The following EPHA10 variants were observed in gnomAD, a reference collection of about 807,000 sequenced individuals.
EPHA10 encodes the protein ephrin type-A receptor 10.
A neutral mutation model predicts 109.7 loss-of-function variants in EPHA10; 120 were observed. The ratio of observed to expected loss-of-function variants is 1.09; its 90% CI spans 0.94 to 1.27. The LOEUF (loss-of-function observed/expected upper bound fraction) is 1.27. Among genes scored for constraint, EPHA10 ranks in the 50% most tolerant of loss-of-function variants. EPHA10 has a pLI of 0.00. For synonymous variants in EPHA10, 640 were observed against 618.9 expected, an observed-to-expected ratio of 1.03 and a Z score of -0.51; for missense variants, 1,396 against 1,411.1, an observed-to-expected ratio of 0.99 and a Z score of 0.17.
Position 37,733,512 on chromosome 1 carries a change from C to G in EPHA10, c.1491+1745G>C, listed in dbSNP as rs538530463. ...GGAATCACAGGTGGTAGCCACTGAG[C>G]CTGGCCCTTGCTCCTCTTTTTGAGG... On this transcript the variant is annotated intron_variant, in intron 6 of 16. Transcript: ENST00000373048. 1.8e-4 allele frequency among the ~76,000 whole-genome samples: 28 copies of G among 152,314 alleles called. No homozygotes were observed. The South Asian group carries it at 5.8e-3, about 32-fold the overall frequency.
intron 3 of EPHA10, among the ~76,000 whole-genome samples, chr1:37,759,538 C>G (rs1646414967): frequency 6.6e-6 from 1 of 152,108 alleles, no homozygotes; most frequent in South Asian, 2.1e-4. Flanking sequence ...CACTTTTTCA[C>G]CCAATGCATT....
At chr1:37,723,280 GCCCCT>G (rs1645832129) in intron 9 of EPHA10, 26 bp downstream of exon 9, 4 of 1,611,528 alleles carry the variant, frequency 2.5e-6, no homozygotes, top group Non-Finnish European at 3.4e-6. Context: ...GGTGGAGCCC[GCCCCT>G]CCCCAGCCAG....
rs373346222 is a variant in EPHA10, at chr1:37,761,850, G to C, written c.405C>G (p.Ala135=). 3.1e-6 allele frequency: 5 copies of C among 1,612,976 alleles called. No individual in the cohort carries two copies. Among genetic ancestry groups the C allele is most frequent in the Non-Finnish European group, 4.2e-6 (5 of 1,179,276 alleles). Reference sequence around the variant, plus strand: ...GGCGGGGACGCCCACGGCCCAGGTCGGCCTCAGTTTCCAGGTAGTAGACGT... The same window carrying C: ...GGCGGGGACGCCCACGGCCCAGGTCCGCCTCAGTTTCCAGGTAGTAGACGT... ...TFNVYYLETE[A]DLGRGRPRLG... Residue 135 remains alanine, a synonymous_variant, in exon 3 of 17, where the codon GCC becomes GCG. Transcript: ENST00000373048.
intron 5 of EPHA10, among the ~76,000 whole-genome samples, chr1:37,743,578 T>A (rs1168214691): frequency 1.3e-5 from 2 of 152,212 alleles, no homozygotes; most frequent in African/African-American, 2.4e-5. Flanking sequence ...GAATAATAAC[T>A]CGTGATGGTT....
chr1:37,731,819 A>G (rs1385103026), intron 6 of EPHA10, among the ~76,000 whole-genome samples: 2 of 152,182 alleles, frequency 1.3e-5, no homozygotes, highest in Non-Finnish European at 2.9e-5. Flanking sequence ...TGAGAATAGC[A>G]CCACCTCTGC....
intron 15 of EPHA10, 94 bp downstream of exon 15, chr1:37,719,320 G>T (rs1452838787): frequency 1.4e-6 from 2 of 1,400,830 alleles, no homozygotes; most frequent in Non-Finnish European, 2.0e-6. Context: ...TCTTGGACAG[G>T]TGGGGTGGTG....
intron 10 of EPHA10, chr1:37,722,656 G>C (rs1368096772): frequency 2.7e-6 from 1 of 366,638 alleles, no homozygotes. Context: ...GAGCAAAACA[G>C]GGCCATGACC....
intron 11 of EPHA10, 135 bp downstream of exon 11, chr1:37,721,525 A>C: frequency 1.1e-6 from 1 of 890,894 alleles, no homozygotes; most frequent in Non-Finnish European, 1.6e-6. Flanking sequence ...GTGAAAGCTG[A>C]GGTCCCTGGC....
chr1:37,727,286 TC>T (rs1428672239), intron 7 of EPHA10, 76 bp from the exon 8 acceptor site: 1 of 1,202,008 alleles, frequency 8.3e-7, no homozygotes, highest in African/African-American at 1.6e-5. Context: ...ACTCCTGTCC[TC>T]ACCCTGTAGC....
chr1:37,719,323 G>T, intron 15 of EPHA10, 91 bp downstream of exon 15: 1 of 1,411,848 alleles, frequency 7.1e-7, no homozygotes, highest in Non-Finnish European at 9.7e-7. Flanking sequence ...TGGACAGGTG[G>T]GGTGGTGGAG....
chr1:37,731,220 G>A (rs1295708022), intron 7 of EPHA10, among the ~76,000 whole-genome samples, 191 bp downstream of exon 7: 2 of 152,156 alleles, frequency 1.3e-5, no homozygotes, highest in Non-Finnish European at 2.9e-5. Context: ...ATTCACGTCG[G>A]TGAACAGGCA....
At position 37,719,409 on chromosome 1, in the gene EPHA10, CG is replaced by C; in HGVS notation, c.2756+4del. On this transcript the variant is annotated splice_donor_region_variant and intron_variant, in intron 15 of 16. Coordinates refer to ENST00000373048, the MANE Select transcript of EPHA10 (RefSeq NM_001099439.2). Reference sequence around the variant, plus strand: ...AGAGGCTGGCTGTCCCATGTGGGAACGTACCTGGGACAGGTAGTCAGGGCAC... The same window carrying C: ...AGAGGCTGGCTGTCCCATGTGGGAACTACCTGGGACAGGTAGTCAGGGCAC... 6.2e-7 allele frequency: 1 copy of C among 1,609,244 alleles called. No homozygotes were observed. The highest frequency in any genetic ancestry group is 8.5e-7 in the Non-Finnish European group (1 of 1,178,732).
rs1366435606 is a variant in EPHA10 at position 37,764,971 on chromosome 1, G to C, written c.96C>G (p.Thr32=). The C allele has an allele frequency of 1.2e-6, 2 of 1,607,472 alleles. No homozygotes were observed. The highest frequency in any genetic ancestry group is 2.2e-5 in the East Asian group (1 of 44,734). The change falls in exon 1 of 17, where the codon ACC becomes ACG. Residue 32 remains threonine (T), a synonymous_variant. Transcript: ENST00000373048. The surrounding 1 kb of genome is among the most constrained non-coding windows in gnomAD (Gnocchi z 5.8). ...CACCAGTCTTCTCACCTTCCTCGGC[G>C]GTCCCAGGCCGCCAGGGTCCCAAAA... ...ALLLGPWRPG[T]AEEVILLDSK...
chr1:37,716,061 T>A lies in EPHA10; in HGVS notation c.*2311A>T. 1.9e-6 allele frequency: 1 copy of A among 534,588 alleles called. No homozygotes were observed. Among genetic ancestry groups the A allele is most frequent in the East Asian group, 3.5e-5 (1 of 28,496 alleles). The allele number at this position is 534,588 out of a possible 1,614,324, so 33.1% of individuals were successfully genotyped here. The stretch of plus-strand genomic sequence containing the variant: ...AAGGAACCCCCTCCGACTGGCCCCC[T>A]CCCTCCCAGGGTGAGCTCAGACCAG... On this transcript the variant is annotated 3_prime_UTR_variant, in exon 17 of 17. Coordinates refer to ENST00000373048, the MANE Select transcript of EPHA10 (RefSeq NM_001099439.2).
At chr1:37,734,108 G>C (rs1346263013) in intron 6 of EPHA10, among the ~76,000 whole-genome samples, 2 of 152,210 alleles carry the variant, frequency 1.3e-5, no homozygotes, top group Non-Finnish European at 2.9e-5. Flanking sequence ...TTTCAGCAAA[G>C]GAGTCCCTCA....
chr1:37,762,418 C>T (rs1646441971), intron 2 of EPHA10, among the ~76,000 whole-genome samples: 3 of 152,128 alleles, frequency 2.0e-5, no homozygotes, highest in Admixed American at 2.0e-4. Flanking sequence ...TCCCCTACCC[C>T]AAGTCTCCAA....
rs952586920 is a variant in EPHA10 at position 37,718,363 on chromosome 1, G to A, written c.*9C>T. On this transcript the variant is annotated 3_prime_UTR_variant, in exon 17 of 17. Coordinates refer to ENST00000373048, the MANE Select transcript of EPHA10 (RefSeq NM_001099439.2). ...CACCGGAGTCCTGCCTTGGAAGAAT[G>A]GGGTCCACTCACACCTGCACCCCCT... 2.5e-6 allele frequency: 4 copies of A among 1,590,912 alleles called. No individual in the cohort carries two copies. Among genetic ancestry groups the A allele is most frequent in the Non-Finnish European group, 3.4e-6 (4 of 1,167,782 alleles).
In EPHA10 at chr1:37,754,081, G is replaced by T; in HGVS notation, c.1006+134C>A. 2 of 1,039,902 alleles carry T rather than the reference G, an allele frequency of 1.9e-6. No individual in the cohort carries two copies. The highest frequency in any genetic ancestry group is 3.2e-5 in the East Asian group (1 of 30,820). The allele number at this position is 1,039,902 out of a possible 1,614,324, so 64.4% of individuals were successfully genotyped here. A position where few individuals can be genotyped will look rare whatever the true frequency, so the allele number is the denominator to read the frequency against. On this transcript the variant is annotated intron_variant, in intron 4 of 16. Coordinates refer to ENST00000373048, the MANE Select transcript of EPHA10 (RefSeq NM_001099439.2). This position sits in a 1 kb window ranked among gnomAD's most constrained non-coding sequence, Gnocchi z 4.5. ...CGCTCCCCCGTACGCCGCCTTCCGG[G>T]GCGCTGGCCCCCATATCCGCCCACG...
At chr1:37,756,482 G>GGATTC (rs374321135) in intron 3 of EPHA10, 25,513 of 152,198 alleles carry the variant, frequency 0.17, 2,404 homozygotes, top group South Asian at 0.23. Flanking sequence ...TTGTGCTGAA[G>GGATTC]AGCAGATTCA....
Sources: allele counts gnomAD v4.1 joint callset (sites outside exome capture counted in the v4.1 genomes callset), GRCh38; gene constraint gnomAD v4.1.1; non-coding constraint Gnocchi (gnomAD v3.1); transcripts MANE v1.5; gene names NCBI Gene and HGNC (gene_info 2026-07-23, HGNC 2026-07-21).